Variants in EML6 observed in about 807,000 individuals in gnomAD.
EML6 encodes EMAP like 6.
A neutral mutation model predicts 240.1 loss-of-function variants in EML6; 154 were observed. That is an observed-to-expected ratio of 0.64 (90% CI 0.56 to 0.73). The LOEUF is 0.73. Ranked by LOEUF, EML6 falls within the 30% of genes least tolerant of loss-of-function variation. The pLI is 0.00. For missense variants in EML6, 2,964 were observed against 2,474.6 expected (o/e 1.20, Z -4.20); for synonymous variants, 1,148 against 899.0 (o/e 1.28, Z -4.95).
intron 11 of EML6, among the ~76,000 whole-genome samples, chr2:54,859,007 T>A (rs1670535322): frequency 6.6e-6 from 1 of 152,214 alleles, no homozygotes; most frequent in South Asian, 2.1e-4. Context: ...TTTACTACTG[T>A]AGTTCAACCA....
rs906666191 is a variant in EML6 at position 54,724,351 on chromosome 2, G to T, written c.-513-198G>T. 6.6e-6 allele frequency among the ~76,000 whole-genome samples: 1 copy of T among 152,044 alleles called. No individual in the cohort carries two copies. The highest frequency in any genetic ancestry group is 1.5e-5 in the Non-Finnish European group (1 of 68,020). The stretch of plus-strand genomic sequence containing the variant: ...GAAACAGCAAGCGTTCCTTCAAATC[G>T]CATCAGCAACTGCCAGGCAGCAGCA... On this transcript the variant is annotated intron_variant, in intron 1 of 41. Transcript: ENST00000356458. This position sits in a 1 kb window ranked among gnomAD's most constrained non-coding sequence, Gnocchi z 5.2.
chr2:54,896,485 A>T (rs2104154892), intron 21 of EML6, among the ~76,000 whole-genome samples: 1 of 152,282 alleles, frequency 6.6e-6, no homozygotes, highest in Middle Eastern at 3.4e-3. Flanking sequence ...ATCTCACCTC[A>T]AGGATGGGGA....
chr2:54,802,067 T>C (rs1670181470), intron 2 of EML6, among the ~76,000 whole-genome samples: 2 of 152,172 alleles, frequency 1.3e-5, no homozygotes, highest in African/African-American at 2.4e-5. Flanking sequence ...TCAACATGTA[T>C]TTATAAAAGT....
Position 54,916,837 on chromosome 2 carries a change from A to G in EML6, c.3577A>G (p.Ile1193Val). The G allele has an allele frequency of 1.3e-6, 2 of 1,551,052 alleles. 1 individual carries two copies. Among genetic ancestry groups the G allele is most frequent in the South Asian group, 2.4e-5 (2 of 84,018 alleles). Residue 1193 changes from isoleucine to valine, a missense_variant, in exon 26 of 42, where the codon ATA (isoleucine) becomes GTA (valine). Transcript: ENST00000356458. ...GGGAATCTGGCCAGCACATAGCGATATAACTGACGTAAATGCTGCCAGTCT... is the reference window on the plus strand; with the variant it reads ...GGGAATCTGGCCAGCACATAGCGATGTAACTGACGTAAATGCTGCCAGTCT... ...CEGIWPAHSD[I>V]TDVNAASLTK...
chr2:54,784,465 G>A (rs1668990191), intron 2 of EML6, among the ~76,000 whole-genome samples: 2 of 152,092 alleles, frequency 1.3e-5, no homozygotes, highest in Non-Finnish European at 1.5e-5. Flanking sequence ...CACTAATAAT[G>A]AATTTGTATA....
intron 21 of EML6, among the ~76,000 whole-genome samples, chr2:54,899,360 G>A (rs1672938113): frequency 6.6e-6 from 1 of 152,200 alleles, no homozygotes; most frequent in Non-Finnish European, 1.5e-5. Context: ...TTTCTAAATG[G>A]AAAGATGTTT....
At chr2:54,912,008 G>A (rs940019940) in intron 25 of EML6, among the ~76,000 whole-genome samples, 22 of 152,326 alleles carry the variant, frequency 1.4e-4, no homozygotes, top group African/African-American at 4.8e-4. Flanking sequence ...CTTCCTTAGA[G>A]GAAAAGGAGG....
chr2:54,891,191 A>G, intron 18 of EML6, 37 bp downstream of exon 18: 1 of 1,036,950 alleles, frequency 9.6e-7, no homozygotes. Context: ...TGTGATTGAG[A>G]GCTTTACCCT....
chr2:54,968,001 G>T (rs1310645787), intron 39 of EML6, 127 bp from the exon 40 acceptor site: 11 of 859,278 alleles, frequency 1.3e-5, no homozygotes, highest in Non-Finnish European at 1.8e-5. Context: ...CCGTTCCGTG[G>T]CCTGGCTGTT....
At chr2:54,952,276 C>T (rs1676020839) in intron 30 of EML6, among the ~76,000 whole-genome samples, 1 of 152,160 alleles carries the variant, frequency 6.6e-6, no homozygotes, top group South Asian at 2.1e-4. Flanking sequence ...CTTTGACCTT[C>T]ATCATTGTGG....
At chr2:54,780,118 A>C (rs1005211101) in intron 2 of EML6, among the ~76,000 whole-genome samples, 5 of 152,154 alleles carry the variant, frequency 3.3e-5, no homozygotes, top group African/African-American at 1.2e-4. Flanking sequence ...AGAAGCTAAC[A>C]CATGCATTTA....
chr2:54,851,734 T>G (rs921890735), intron 10 of EML6, among the ~76,000 whole-genome samples: 1 of 152,350 alleles, frequency 6.6e-6, no homozygotes, highest in East Asian at 1.9e-4. Context: ...ATTTCATTGT[T>G]CATTAATGTG....
chr2:54,806,487 C>G (rs754385820), intron 2 of EML6, among the ~76,000 whole-genome samples: 2 of 151,720 alleles, frequency 1.3e-5, no homozygotes, highest in Non-Finnish European at 2.9e-5. Context: ...GTAGCACGTG[C>G]CTGTAATCCC....
chr2:54,853,763 A>G lies in EML6; in HGVS notation c.1565A>G (p.Asn522Ser), dbSNP rs1670221567. ...WPKYTEVTDI[N>S]SVDANYNSSV... Reference sequence around the variant, plus strand: ...AAATACACTGAGGTTACTGACATCAACTCAGTGGATGCGAATTACAACAGC... The same window carrying G: ...AAATACACTGAGGTTACTGACATCAGCTCAGTGGATGCGAATTACAACAGC... Residue 522 changes from asparagine (N) to serine (S), a missense_variant, in exon 11 of 42, where the codon AAC becomes AGC. By Grantham distance (46) the Asn-to-Ser change is conservative. Coordinates refer to ENST00000356458, the MANE Select transcript of EML6 (RefSeq NM_001039753.4). 2.6e-6 allele frequency: 4 copies of G among 1,551,330 alleles called. No homozygotes were observed. Among genetic ancestry groups the G allele is most frequent in the South Asian group, 2.4e-5 (2 of 84,054 alleles).
intron 2 of EML6, among the ~76,000 whole-genome samples, chr2:54,799,964 G>A (rs139874209): frequency 4.8e-4 from 73 of 152,222 alleles, no homozygotes; most frequent in African/African-American, 1.2e-3. Flanking sequence ...TTGGGGTTTC[G>A]GCCAGGTGTG....
intron 13 of EML6, among the ~76,000 whole-genome samples, chr2:54,864,210 T>TC (rs1218176524): frequency 6.6e-6 from 1 of 152,218 alleles, no homozygotes; most frequent in Non-Finnish European, 1.5e-5. Context: ...AGGTCTTTTT[T>TC]CACTTTCTTA....
At chr2:54,842,029 C>G (rs1217416090) in intron 7 of EML6, among the ~76,000 whole-genome samples, 1 of 152,128 alleles carries the variant, frequency 6.6e-6, no homozygotes, top group Non-Finnish European at 1.5e-5. Context: ...ATGTGCCCCA[C>G]CAGAGTGGTA....
intron 28 of EML6, among the ~76,000 whole-genome samples, chr2:54,946,561 G>T (rs540894274): frequency 6.6e-6 from 1 of 152,288 alleles, no homozygotes; most frequent in South Asian, 2.1e-4. Context: ...GAAGTCTCTG[G>T]CAGTCCCTCC....
intron 24 of EML6, among the ~76,000 whole-genome samples, chr2:54,907,968 G>T (rs1290662059): frequency 1.2e-5 from 1 of 84,306 alleles, no homozygotes; most frequent in Admixed American, 1.2e-4. Context: ...TAGATAGATA[G>T]ATAGATAGAT....
Sources: gnomAD v4.1 joint callset for allele counts (sites outside exome capture counted in the v4.1 genomes callset) on GRCh38, gnomAD v4.1.1 for gene constraint, Gnocchi (gnomAD v3.1) non-coding constraint, MANE v1.5 for transcripts, NCBI Gene and HGNC (gene_info 2026-07-23, HGNC 2026-07-21) for gene names.